Variants in APP observed in about 807,000 individuals in gnomAD.
The protein encoded by APP is amyloid-beta precursor protein.
APP carries 31 observed loss-of-function variants against 101.4 expected under a neutral mutation model. The observed-to-expected ratio is 0.31, with a 90% CI of 0.23 to 0.41. APP has a LOEUF of 0.41. APP is among the 10% of genes least tolerant of loss of function. The probability of loss-of-function intolerance (pLI) is 1.00; values close to 1 mark genes in which losing one functional copy is unlikely to be tolerated. For missense variants in APP, 839 were observed against 1,003.7 expected (o/e 0.84, Z 2.22); for synonymous variants, 366 against 364.4 (o/e 1.00, Z -0.05).
At chr21:25,996,518 T>C (rs1296648149) in intron 8 of APP, among the ~76,000 whole-genome samples, 1 of 152,216 alleles carries the variant, frequency 6.6e-6, no homozygotes, top group African/African-American at 2.4e-5. Context: ...TTTAAAGATC[T>C]TTCTTCCTTT....
chr21:26,082,849 T>C (rs2146084105), intron 3 of APP, among the ~76,000 whole-genome samples: 1 of 148,456 alleles, frequency 6.7e-6, no homozygotes, highest in Middle Eastern at 3.5e-3. Context: ...ACGTACACAA[T>C]GAATACGTAA....
intron 6 of APP, among the ~76,000 whole-genome samples, chr21:26,020,737 T>C (rs910581242): frequency 6.6e-6 from 1 of 152,206 alleles, no homozygotes; most frequent in Non-Finnish European, 1.5e-5. Flanking sequence ...AATGCAGAAC[T>C]CTTTAAGGAA....
At chr21:25,960,161 G>C (rs868212791) in intron 11 of APP, among the ~76,000 whole-genome samples, 3 of 151,022 alleles carry the variant, frequency 2.0e-5, no homozygotes, top group African/African-American at 4.9e-5. Context: ...ATGTCTACGT[G>C]TAAGTGTGCA....
intron 16 of APP, among the ~76,000 whole-genome samples, chr21:25,893,754 G>A (rs1269068809): frequency 6.6e-6 from 1 of 152,234 alleles, no homozygotes; most frequent in Non-Finnish European, 1.5e-5. Flanking sequence ...GAAGCAGCAA[G>A]TGCTGATGTA....
chr21:25,892,796 ACAC>A (rs1231856633), intron 16 of APP, among the ~76,000 whole-genome samples: 17 of 152,366 alleles, frequency 1.1e-4, no homozygotes, highest in African/African-American at 3.4e-4. Context: ...TTATAGAAGC[ACAC>A]CACAACTTTT....
intron 11 of APP, among the ~76,000 whole-genome samples, chr21:25,974,288 G>T (rs1340392291): frequency 6.6e-6 from 1 of 152,094 alleles, no homozygotes; most frequent in Non-Finnish European, 1.5e-5. Flanking sequence ...ATGATGAGGG[G>T]GCTGGGCAAG....
At chr21:25,975,899 C>T in intron 10 of APP, 55 bp downstream of exon 10, 2 of 1,402,046 alleles carry the variant, frequency 1.4e-6, no homozygotes, top group Non-Finnish European at 2.0e-6. Context: ...TGCAGACACT[C>T]ATTAAAAAGA....
At chr21:25,997,098 A>C in intron 8 of APP, 3 of 522,438 alleles carry the variant, frequency 5.7e-6, no homozygotes, top group Non-Finnish European at 1.0e-5. Context: ...TGTCCATATA[A>C]TATTCAATAA....
At chr21:25,929,133 T>C (rs2040030584) in intron 13 of APP, 1 of 152,162 alleles carries the variant, frequency 6.6e-6, no homozygotes, top group Admixed American at 6.5e-5. Flanking sequence ...GCCTGGCTGG[T>C]TGAGAGATGT....
At chr21:25,903,085 A>G (rs950044195) in intron 15 of APP, among the ~76,000 whole-genome samples, 11 of 5,608 alleles carry the variant, frequency 2.0e-3, no homozygotes, top group Non-Finnish European at 3.1e-3. Flanking sequence ...TTAAAAGAAT[A>G]GGCCGGGCAT....
intron 14 of APP, among the ~76,000 whole-genome samples, chr21:25,909,389 G>A (rs1363681034): frequency 6.6e-6 from 1 of 151,976 alleles, no homozygotes; most frequent in Non-Finnish European, 1.5e-5. Flanking sequence ...CTCTGACACT[G>A]CAAGTTCTAT....
chr21:25,898,569 G>C (rs540337790), intron 15 of APP, among the ~76,000 whole-genome samples: 1 of 152,184 alleles, frequency 6.6e-6, no homozygotes, highest in Non-Finnish European at 1.5e-5. Context: ...CAGATTGTCA[G>C]TTCCTGTTTG....
At chr21:26,070,197 C>T (rs953169446) in intron 3 of APP, among the ~76,000 whole-genome samples, 1 of 152,138 alleles carries the variant, frequency 6.6e-6, no homozygotes, top group African/African-American at 2.4e-5. Context: ...TCAAAAATCA[C>T]ACAATCTGTT....
chr21:25,955,482 T>G, intron 12 of APP, 145 bp downstream of exon 12: 2 of 1,204,302 alleles, frequency 1.7e-6, no homozygotes, highest in Non-Finnish European at 2.4e-6. Context: ...GACAAGCTTT[T>G]AGAATTTACC....
chr21:26,140,085 T>G, intron 1 of APP: 2 of 1,170,136 alleles, frequency 1.7e-6, no homozygotes, highest in Non-Finnish European at 1.2e-6. Flanking sequence ...TATTACTGTC[T>G]GAGAACAGAG....
intron 1 of APP, among the ~76,000 whole-genome samples, chr21:26,160,655 C>T (rs1425097909): frequency 2.0e-5 from 3 of 151,692 alleles, no homozygotes; most frequent in Non-Finnish European, 4.4e-5. Flanking sequence ...TGTAAAATGG[C>T]CAAAAAAGGA....
intron 2 of APP, among the ~76,000 whole-genome samples, chr21:26,098,259 A>G (rs2061990223): frequency 6.6e-6 from 1 of 151,198 alleles, no homozygotes; most frequent in Admixed American, 6.6e-5. Flanking sequence ...TACTGAAGAA[A>G]TACCTTAAAA....
chr21:26,062,480 T>C lies in APP; in HGVS notation c.356-9132A>G, dbSNP rs538058565. 5.9e-5 allele frequency among the ~76,000 whole-genome samples: 9 copies of C among 151,692 alleles called. No individual in the cohort carries two copies. The South Asian group carries it at 8.3e-4, about 14-fold the overall frequency. ...GAGTTCGAGACCAGCCTGGCTAACA[T>C]GGTGAAACCCCGTCTCTACTAAAAA... On this transcript the variant is annotated intron_variant, in intron 3 of 17. Transcript: ENST00000346798.
chr21:26,165,121 T>C (rs191532423), intron 1 of APP, among the ~76,000 whole-genome samples: 11 of 152,294 alleles, frequency 7.2e-5, no homozygotes, highest in African/African-American at 2.6e-4. Context: ...ATCAAACTCA[T>C]AGACAACAAT....
Sources: gnomAD v4.1 joint callset for allele counts (sites outside exome capture counted in the v4.1 genomes callset) on GRCh38, gnomAD v4.1.1 for gene constraint, MANE v1.5 for transcripts, NCBI Gene and HGNC (gene_info 2026-07-23, HGNC 2026-07-21) for gene names.